RBPJ: variants seen among roughly 807,000 people sequenced by gnomAD.
RBPJ encodes recombination signal binding protein for immunoglobulin kappa J region.
A neutral mutation model predicts 67.8 loss-of-function variants in RBPJ; 9 were observed. That is an observed-to-expected ratio of 0.13 (90% confidence interval 0.08 to 0.23). The LOEUF is 0.23. Among genes scored for constraint, RBPJ ranks in the 10% least tolerant of loss-of-function variants. The pLI, the probability that RBPJ is intolerant of heterozygous loss-of-function variation, is 1.00. For synonymous variants in RBPJ, 198 were observed against 203.3 expected, an observed-to-expected ratio of 0.97 and a Z score of 0.22; for missense variants, 305 against 595.6, an observed-to-expected ratio of 0.51 and a Z score of 5.08.
chr4:26,220,607 C>A (rs917292051), intron 1 of RBPJ, among the ~76,000 whole-genome samples: 9 of 152,140 alleles, frequency 5.9e-5, no homozygotes, highest in Non-Finnish European at 1.2e-4. Context: ...TCCCTGGGTC[C>A]CACTCATAAA....
chr4:26,380,788 C>G (rs1212532606), intron 1 of RBPJ, among the ~76,000 whole-genome samples: 1 of 151,946 alleles, frequency 6.6e-6, no homozygotes, highest in Non-Finnish European at 1.5e-5. Flanking sequence ...CTCTCCAGCA[C>G]ATACTTCACC....
intron 1 of RBPJ, among the ~76,000 whole-genome samples, chr4:26,172,013 T>G (rs1049044986): frequency 6.6e-6 from 1 of 151,972 alleles, no homozygotes; most frequent in Non-Finnish European, 1.5e-5. Context: ...AAGCTGGAGG[T>G]TAAAATCGCC....
intron 1 of RBPJ, among the ~76,000 whole-genome samples, chr4:26,331,193 C>T (rs544944209): frequency 2.0e-5 from 3 of 152,090 alleles, no homozygotes; most frequent in Admixed American, 6.5e-5. Context: ...CTCAATCTCC[C>T]GAGCTCGTAA....
chr4:26,148,133 T>C, the RBPJ span, among the ~76,000 whole-genome samples: 1 of 152,206 alleles, frequency 6.6e-6, no homozygotes, highest in East Asian at 1.9e-4. Flanking sequence ...TGATGGATTG[T>C]GGAACTTAAG....
rs896101415 is a variant in RBPJ at position 26,254,022 on chromosome 4, T to A, written c.-167+90408T>A. 4.0e-5 allele frequency among the ~76,000 whole-genome samples: 6 copies of A among 148,938 alleles called. 1 individual carries two copies. Among genetic ancestry groups the A allele is most frequent in the African/African-American group, 1.3e-4 (5 of 38,356 alleles). On this transcript the variant is annotated intron_variant, in intron 1 of 4. Coordinates refer to the RBPJ transcript ENST00000512351. Reference sequence around the variant, plus strand: ...ATTTTTTCCTTCACATTATTAATAATAAGAACATTGAGTAACAAGTTTGGG... The same window carrying A: ...ATTTTTTCCTTCACATTATTAATAAAAAGAACATTGAGTAACAAGTTTGGG...
At chr4:26,348,055 A>G (rs1300212763) in intron 1 of RBPJ, among the ~76,000 whole-genome samples, 1 of 150,562 alleles carries the variant, frequency 6.6e-6, no homozygotes, top group East Asian at 1.9e-4. Context: ...CCTGCCTCCC[A>G]GGTTCAAGTG....
chr4:26,214,533 AAGGGAGGG>A (rs139788316), intron 1 of RBPJ, among the ~76,000 whole-genome samples: 53,718 of 77,112 alleles, frequency 0.7, 18,864 homozygotes, highest in East Asian at 0.89. Context: ...GGGAAGGAGG[AAGGGAGGG>A]AGGGAGGGAG....
chr4:26,395,373 C>T (rs1732015246), intron 2 of RBPJ, among the ~76,000 whole-genome samples: 1 of 152,090 alleles, frequency 6.6e-6, no homozygotes, highest in East Asian at 1.9e-4. Flanking sequence ...TCCCTCTAAC[C>T]CAGGAAATTG....
At chr4:26,408,841 A>G (rs776347873) in intron 3 of RBPJ, among the ~76,000 whole-genome samples, 2 of 152,200 alleles carry the variant, frequency 1.3e-5, no homozygotes, top group Non-Finnish European at 2.9e-5. Flanking sequence ...ATACCATTCC[A>G]TTTGCGTTTG....
intron 1 of RBPJ, among the ~76,000 whole-genome samples, chr4:26,353,014 G>A (rs926118611): frequency 2.6e-5 from 4 of 152,196 alleles, no homozygotes; most frequent in African/African-American, 9.6e-5. Flanking sequence ...AAAAAATCCA[G>A]TGGAAAGGAA....
intron 1 of RBPJ, among the ~76,000 whole-genome samples, chr4:26,283,364 G>A (rs112471051): frequency 0.039 from 5,896 of 151,706 alleles, 384 homozygotes; most frequent in African/African-American, 0.13. Flanking sequence ...GGCCAAGATG[G>A]CCAAACCCCG....
chr4:26,328,086 G>A (rs1301499469), intron 1 of RBPJ, among the ~76,000 whole-genome samples: 1 of 151,444 alleles, frequency 6.6e-6, no homozygotes, highest in African/African-American at 2.4e-5. Flanking sequence ...GATTGTGCCT[G>A]ATTTTGCCAG....
chr4:26,120,066 CAT>C, the RBPJ span, among the ~76,000 whole-genome samples: 2 of 152,178 alleles, frequency 1.3e-5, no homozygotes, highest in South Asian at 4.1e-4. Flanking sequence ...TAAGAAGCCA[CAT>C]GAGACACCAG....
chr4:26,364,000 A>G (rs1728348317), intron 1 of RBPJ, among the ~76,000 whole-genome samples: 1 of 152,204 alleles, frequency 6.6e-6, no homozygotes, highest in Non-Finnish European at 1.5e-5. Context: ...TTGGTATTAA[A>G]TGTTCTTTTT....
intron 1 of RBPJ, among the ~76,000 whole-genome samples, chr4:26,324,267 A>G (rs1723385177): frequency 6.6e-6 from 1 of 152,212 alleles, no homozygotes; most frequent in East Asian, 1.9e-4. Context: ...CACAGTAGCG[A>G]TAGTGGGATT....
intron 1 of RBPJ, among the ~76,000 whole-genome samples, chr4:26,295,225 C>A (rs1055217288): frequency 6.8e-6 from 1 of 147,398 alleles, no homozygotes; most frequent in Non-Finnish European, 1.5e-5. Flanking sequence ...TGGCCGTTGT[C>A]CAGGAAGAAA....
At chr4:26,409,006 A>C (rs1341656695) in intron 3 of RBPJ, among the ~76,000 whole-genome samples, 1 of 152,238 alleles carries the variant, frequency 6.6e-6, no homozygotes, top group Non-Finnish European at 1.5e-5. Context: ...TGTTTATCAT[A>C]TAGCTTCAAA....
chr4:26,306,162 T>A (rs1722232705), intron 1 of RBPJ, among the ~76,000 whole-genome samples: 1 of 152,130 alleles, frequency 6.6e-6, no homozygotes, highest in Non-Finnish European at 1.5e-5. Flanking sequence ...ACACTTTTAC[T>A]TCCTTCTTTC....
chr4:26,388,572 G>A (rs1369278827), intron 2 of RBPJ, among the ~76,000 whole-genome samples: 1 of 151,060 alleles, frequency 6.6e-6, no homozygotes, highest in Non-Finnish European at 1.5e-5. Flanking sequence ...CTAGAGGAGA[G>A]GTTAAATAGA....
Sources: allele counts gnomAD v4.1 joint callset (sites outside exome capture counted in the v4.1 genomes callset), GRCh38; gene constraint gnomAD v4.1.1; transcripts MANE v1.5; gene names NCBI Gene and HGNC (gene_info 2026-07-23, HGNC 2026-07-21).